PRKDC: variants seen among roughly 807,000 people sequenced by gnomAD.
PRKDC encodes the protein DNA-dependent protein kinase catalytic subunit.
PRKDC carries 82 observed loss-of-function variants against 486.9 expected under a neutral mutation model. The ratio of observed to expected loss-of-function variants is 0.17; its 90% CI spans 0.14 to 0.20. PRKDC has a LOEUF of 0.20. PRKDC is among the 10% of genes least tolerant of loss of function. PRKDC has a pLI of 1.00. For missense variants in PRKDC, 4,504 were observed against 5,038.2 expected, an observed-to-expected ratio of 0.89 and a Z score of 3.21; for synonymous variants, 1,895 against 1,837.0, an observed-to-expected ratio of 1.03 and a Z score of -0.81.
chr8:47,887,585 T>C lies in PRKDC; in HGVS notation c.4534A>G (p.Ser1512Gly). 1.3e-6 allele frequency: 2 copies of C among 1,595,882 alleles called. No individual in the cohort carries two copies. The highest frequency in any genetic ancestry group is 1.7e-6 in the Non-Finnish European group (2 of 1,171,006). The change falls in exon 35 of 86, where the codon AGC becomes GGC. Residue 1512 changes from serine (S) to glycine (G), a missense_variant. This residue lies in a region of PRKDC where 1,969 missense variants were observed against 2,068.9 expected (regional missense o/e 0.95). Coordinates refer to ENST00000314191, the MANE Select transcript of PRKDC (RefSeq NM_006904.7). ...GCAAAGGCTAACTCCAGAAGTCCGC[T>C]GGCCAGCTGCTTACAACTGAGGTCT... ...SLDLSCKQLASGLLELAFAFG... is the reference protein window; with the variant it reads ...SLDLSCKQLAGGLLELAFAFG...
At chr8:47,790,001 A>T (rs1029104627) in intron 74 of PRKDC, among the ~76,000 whole-genome samples, 2 of 152,230 alleles carry the variant, frequency 1.3e-5, no homozygotes, top group African/African-American at 4.8e-5. Flanking sequence ...TTTCTCTAAG[A>T]TCTTGAACAT....
At chr8:47,909,207 A>C (rs2089851419) in intron 25 of PRKDC, among the ~76,000 whole-genome samples, 1 of 152,218 alleles carries the variant, frequency 6.6e-6, no homozygotes, top group South Asian at 2.1e-4. Context: ...CCCCACACGG[A>C]GGGACCGGTT....
At chr8:47,860,775 A>G in intron 45 of PRKDC, 124 bp downstream of exon 45, 1 of 670,388 alleles carries the variant, frequency 1.5e-6, no homozygotes. Flanking sequence ...TCAATGTTTT[A>G]GGGTACTTAA....
At chr8:47,807,023 A>T (rs893108115) in intron 69 of PRKDC, 114 bp downstream of exon 69, 2 of 1,105,550 alleles carry the variant, frequency 1.8e-6, no homozygotes, top group Non-Finnish European at 2.5e-6. Context: ...GAGAAAAAAA[A>T]TAACACCTAC....
intron 25 of PRKDC, among the ~76,000 whole-genome samples, chr8:47,909,078 C>T (rs1190421800): frequency 1.3e-5 from 2 of 152,172 alleles, no homozygotes; most frequent in Non-Finnish European, 2.9e-5. Flanking sequence ...CTCATCTCCC[C>T]CCAGCCCCCA....
At chr8:47,813,903 C>T (rs958729563) in intron 68 of PRKDC, among the ~76,000 whole-genome samples, 1 of 152,100 alleles carries the variant, frequency 6.6e-6, no homozygotes, top group Non-Finnish European at 1.5e-5. Context: ...GAGAAGGGAA[C>T]ATGCCTTACT....
chr8:47,857,193 G>A lies in PRKDC; in HGVS notation c.6572C>T (p.Ala2191Val). ...GIHYMVVEIV[A>V]TILSWTGLAT... ...CAAGCCTGTCCATGAAAGAATAGTG[G>A]CCACTATCTCAACCACCATGTAGTG... Residue 2191 changes from alanine (A) to valine (V), a missense_variant, in exon 49 of 86, where the codon GCC becomes GTC. By Grantham distance (64) the Ala-to-Val change is moderately conservative. Around this residue, in one of 6 missense-constraint regions of PRKDC, gnomAD observed 1,592 missense variants for 1,724.6 expected, o/e 0.92. Coordinates refer to ENST00000314191, the MANE Select transcript of PRKDC (RefSeq NM_006904.7). 1 of 1,613,902 alleles carries A rather than the reference G, an allele frequency of 6.2e-7. No homozygotes were observed. Among genetic ancestry groups the A allele is most frequent in the Non-Finnish European group, 8.5e-7 (1 of 1,179,852 alleles).
intron 24 of PRKDC, 110 bp downstream of exon 24, chr8:47,913,791 A>G: frequency 9.0e-7 from 1 of 1,116,274 alleles, no homozygotes; most frequent in Non-Finnish European, 1.2e-6. Context: ...TACAGAAAAT[A>G]CAAAATTACT....
chr8:47,834,756 T>C (rs557358301), intron 58 of PRKDC, among the ~76,000 whole-genome samples: 2 of 146,530 alleles, frequency 1.4e-5, no homozygotes, highest in South Asian at 4.3e-4. Flanking sequence ...AGTGGCGCGA[T>C]CTCGGCTCAC....
intron 25 of PRKDC, among the ~76,000 whole-genome samples, chr8:47,906,291 G>A (rs893286274): frequency 1.3e-5 from 2 of 152,092 alleles, no homozygotes; most frequent in East Asian, 1.9e-4. Flanking sequence ...AGGCTTTAGG[G>A]AACTATGACT....
Position 47,849,143 on chromosome 8 carries a change from T to C in PRKDC, c.7280+11A>G, listed in dbSNP as rs950231199. ...CAGTGGGACCCAAGAGCAGGGCTAG[T>C]GTTCACTCACCTATGTCTCATGACT... is the stretch of plus-strand genomic sequence containing the variant. On this transcript the variant is annotated intron_variant, in intron 54 of 85. Transcript: ENST00000314191. 7 of 1,613,492 alleles carry C rather than the reference T, an allele frequency of 4.3e-6. No individual in the cohort carries two copies. The highest frequency in any genetic ancestry group is 4.5e-5 in the East Asian group (2 of 44,886).
chr8:47,786,677 T>G (rs941969234), intron 76 of PRKDC, among the ~76,000 whole-genome samples: 2 of 151,462 alleles, frequency 1.3e-5, no homozygotes, highest in Non-Finnish European at 2.9e-5. Flanking sequence ...TAAGAGTCTT[T>G]CAAGCTATTA....
rs8178154 is a variant in PRKDC, at chr8:47,857,649, C to A, written c.6466-350G>T. Among the ~76,000 whole-genome samples, 585 of 152,282 alleles carry A rather than the reference C, an allele frequency of 3.8e-3. 4 individuals are homozygous for A. Among genetic ancestry groups the A allele is most frequent in the South Asian group, 0.025 (120 of 4,822 alleles). On this transcript the variant is annotated intron_variant, in intron 48 of 85. Transcript: ENST00000314191. ...CTCTCGAAGGAACCAACCCTGCCAG[C>A]AGCTTGATCTCAGGCCACGGCTGTC...
intron 68 of PRKDC, among the ~76,000 whole-genome samples, chr8:47,813,639 G>C (rs958898655): frequency 6.6e-6 from 1 of 151,846 alleles, no homozygotes; most frequent in Non-Finnish European, 1.5e-5. Context: ...GCAATGGTAC[G>C]ATCTTGCCTC....
Position 47,849,162 on chromosome 8 carries a change from C to G in PRKDC, c.7272G>C (p.Met2424Ile). The G allele has an allele frequency of 6.8e-6, 11 of 1,614,018 alleles. No individual in the cohort carries two copies. The highest frequency in any genetic ancestry group is 9.3e-6 in the Non-Finnish European group (11 of 1,179,876). The change falls in exon 54 of 86, where the codon ATG (methionine) becomes ATC (isoleucine). Residue 2424 changes from methionine (M) to isoleucine (I), a missense_variant. Met to Ile is a conservative substitution (Grantham distance 10, BLOSUM62 1). Around this residue, in one of 6 missense-constraint regions of PRKDC, gnomAD observed 1,592 missense variants for 1,724.6 expected, o/e 0.92. Coordinates refer to ENST00000314191, the MANE Select transcript of PRKDC (RefSeq NM_006904.7). ...GGCTAGTGTTCACTCACCTATGTCTCATGACTTGAACGAAGTCCTTGCTCT... is the reference window on the plus strand; with the variant it reads ...GGCTAGTGTTCACTCACCTATGTCTGATGACTTGAACGAAGTCCTTGCTCT... ...QLKSKDFVQV[M>I]RHRDDERQKV...
intron 16 of PRKDC, among the ~76,000 whole-genome samples, chr8:47,931,210 G>A (rs983975501): frequency 2.0e-5 from 3 of 152,334 alleles, no homozygotes; most frequent in East Asian, 1.9e-4. Context: ...TTTTAAACAC[G>A]CTAAGTTTGT....
chr8:47,888,801 T>C (rs113915613), intron 33 of PRKDC, among the ~76,000 whole-genome samples, 151 bp from the exon 34 acceptor site: 3 of 152,344 alleles, frequency 2.0e-5, no homozygotes, highest in African/African-American at 7.2e-5. Context: ...AGATCAAACA[T>C]GGCGCTAACC....
intron 7 of PRKDC, among the ~76,000 whole-genome samples, chr8:47,952,553 G>A (rs936697495): frequency 3.3e-5 from 5 of 152,148 alleles, no homozygotes; most frequent in African/African-American, 4.8e-5. Context: ...GTACATACAC[G>A]TGACAGAATT....
In PRKDC at chr8:47,900,742, G is replaced by A. The variant is rs553269551; in HGVS notation, c.3270-275C>T. On this transcript the variant is annotated intron_variant, in intron 27 of 85. Coordinates refer to ENST00000314191, the MANE Select transcript of PRKDC (RefSeq NM_006904.7). ...CAGGCGCCTGTAGCCCCAGCTACTC[G>A]GGAGGCTGAGGCAGGAGAATGGCAT... 7.2e-5 allele frequency among the ~76,000 whole-genome samples: 11 copies of A among 152,120 alleles called. No homozygotes were observed. In the East Asian group the frequency reaches 1.9e-3, roughly 27 times the overall value.
Sources: gnomAD v4.1 joint callset for allele counts (sites outside exome capture counted in the v4.1 genomes callset) on GRCh38, gnomAD v4.1.1 for gene constraint, gnomAD v4.1.1 regional missense constraint, MANE v1.5 for transcripts, NCBI Gene and HGNC (gene_info 2026-07-23, HGNC 2026-07-21) for gene names.